The following ZNF195 variants were observed in gnomAD, a reference collection of about 807,000 sequenced individuals.
ZNF195 encodes hypoxia-regulated factor-1.
In ZNF195, 11 loss-of-function variants were observed where a neutral mutation model predicts 19.5. That is an observed-to-expected ratio of 0.57 (90% confidence interval 0.36 to 0.94). The LOEUF (loss-of-function observed/expected upper bound fraction) is 0.94. Among genes scored for constraint, ZNF195 ranks in the 40% least tolerant of loss-of-function variants. The probability of loss-of-function intolerance (pLI) is 0.01; values close to 1 mark genes in which losing one functional copy is unlikely to be tolerated. For missense variants in ZNF195, 582 were observed against 709.0 expected (o/e 0.82, Z 2.03); for synonymous variants, 214 against 248.1 (o/e 0.86, Z 1.29).
intron 3 of ZNF195, 89 bp downstream of exon 3, chr11:3,370,886 A>G: frequency 1.5e-6 from 2 of 1,328,398 alleles, no homozygotes; most frequent in East Asian, 2.3e-5. Flanking sequence ...ACTAGGGCAG[A>G]GCTTCTCAAA....
At chr11:3,361,031 C>T (rs922072825) in intron 4 of ZNF195, among the ~76,000 whole-genome samples, 2 of 152,170 alleles carry the variant, frequency 1.3e-5, no homozygotes, top group Non-Finnish European at 2.9e-5. Flanking sequence ...GAGTGACAGG[C>T]TGGGTCTGCT....
At chr11:3,367,758 G>A (rs887039963) in intron 3 of ZNF195, among the ~76,000 whole-genome samples, 1 of 152,016 alleles carries the variant, frequency 6.6e-6, no homozygotes, top group African/African-American at 2.4e-5. Flanking sequence ...ACAGGTTGAA[G>A]AAATAGGATA....
Position 3,360,558 on chromosome 11 carries a change from AGACATAGCTG to A in ZNF195, c.443-3_449del, listed in dbSNP as rs1848583433. 1 of 1,568,622 alleles carries A rather than the reference AGACATAGCTG, an allele frequency of 6.4e-7. No individual in the cohort carries two copies. Among genetic ancestry groups the A allele is most frequent in the African/African-American group, 1.4e-5 (1 of 71,296 alleles). On this transcript the variant is annotated splice_acceptor_variant and splice_polypyrimidine_tract_variant and coding_sequence_variant and intron_variant, in exon 6 of 6. Transcript: ENST00000399602. LOFTEE classifies it high-confidence loss of function. The stretch of plus-strand genomic sequence containing the variant: ...GCAGAAGGTCTTGGGTAAAATGAGA[AGACATAGCTG>A]AAAAAAAAAAAAAAAGTTATCCGAC...
intron 3 of ZNF195, chr11:3,369,570 A>G (rs767943307): frequency 2.3e-6 from 1 of 433,326 alleles, no homozygotes; most frequent in Non-Finnish European, 4.7e-6. Flanking sequence ...AAAAGGAATG[A>G]AATCCTGTCA....
intron 1 of ZNF195, among the ~76,000 whole-genome samples, chr11:3,372,408 A>G (rs1177804397): frequency 6.6e-6 from 1 of 152,278 alleles, no homozygotes; most frequent in Non-Finnish European, 1.5e-5. Flanking sequence ...AATAAAACTA[A>G]TATCAACTGT....
Position 3,359,925 on chromosome 11 carries a change from A to G in ZNF195, c.1083T>C (p.Ser361=), listed in dbSNP as rs781606800. The G allele has an allele frequency of 6.8e-6, 11 of 1,614,088 alleles. No individual in the cohort carries two copies. The South Asian group carries it at 1.1e-4, about 16-fold the overall frequency. ...AAAGGCTTGAGCAAGAGATAAAGAC[A>G]CTGCTGCACTCTTCATATTTGCAGG... ...EKPCKYEECS[S]VFISCSSLSN... The change falls in exon 6 of 6, where the codon AGT becomes AGC. Residue 361 remains serine (S), a synonymous_variant. Transcript: ENST00000399602. This position sits in a 1 kb window ranked among gnomAD's most constrained non-coding sequence, Gnocchi z 5.5.
In ZNF195 at chr11:3,360,248, G is replaced by T. The variant is rs780909093; in HGVS notation, c.760C>A (p.Gln254Lys). ...FKCQECGKSF[Q>K]MLSFLTEHQK... ...TGTTCAGTTAGGAATGAGAGCATTT[G>T]AAAGGATTTGCCACATTCTTGACAT... The change falls in exon 6 of 6, where the codon CAA becomes AAA. Residue 254 changes from glutamine to lysine, a missense_variant. Physicochemically the swap from Gln to Lys is moderately conservative, Grantham distance 53 (BLOSUM62 1). Around this residue, in one of 3 missense-constraint regions of ZNF195, gnomAD observed 407 missense variants for 530.5 expected, o/e 0.77. Transcript: ENST00000399602. 1.8e-5 allele frequency: 29 copies of T among 1,613,714 alleles called. No individual in the cohort carries two copies. The highest frequency in any genetic ancestry group is 2.2e-5 in the Non-Finnish European group (26 of 1,179,934).
In ZNF195 at chr11:3,377,510, C is replaced by T. The variant is rs935284222; in HGVS notation, c.3+1528G>A. 5.1e-5 allele frequency: 46 copies of T among 906,616 alleles called. No individual in the cohort carries two copies. The Admixed American group carries it at 1.6e-3, about 31-fold the overall frequency. 56.2% of individuals were successfully genotyped at this position (906,616 alleles called of 1,614,324 possible). ...AGAGTCCAAAGGGCAGAAATGATTT[C>T]GGTCTTTTCCCTCTGACAGGGGCAT... On this transcript the variant is annotated intron_variant, in intron 1 of 5. Transcript: ENST00000399602.
chr11:3,375,452 A>G (rs1204989855), intron 1 of ZNF195: 1 of 152,200 alleles, frequency 6.6e-6, no homozygotes, highest in African/African-American at 2.4e-5. Flanking sequence ...TACCACCACC[A>G]CCTTGTCTGT....
Position 3,359,585 on chromosome 11 carries a change from A to G in ZNF195, c.1423T>C (p.Phe475Leu). Residue 475 changes from phenylalanine (F) to leucine (L), a missense_variant, in exon 6 of 6, where the codon TTC (phenylalanine) becomes CTC (leucine). Physicochemically the swap from Phe to Leu is conservative, Grantham distance 22. This residue lies in a region of ZNF195 where 407 missense variants were observed against 530.5 expected (regional missense o/e 0.77). Coordinates refer to ENST00000399602, the MANE Select transcript of ZNF195 (RefSeq NM_001130520.3). This position sits in a 1 kb window ranked among gnomAD's most constrained non-coding sequence, Gnocchi z 5.5. ...TTAGAAAGGCTTGAGCAAGTTCTGA[A>G]GACCTTCCCACATTCTTCACATTGG... ...PYQCEECGKV[F>L]RTCSSLSNHK... The G allele has an allele frequency of 6.2e-7, 1 of 1,614,208 alleles. No homozygotes were observed. Among genetic ancestry groups the G allele is most frequent in the Non-Finnish European group, 8.5e-7 (1 of 1,180,040 alleles).
intron 1 of ZNF195, among the ~76,000 whole-genome samples, chr11:3,374,200 A>G (rs1037213583): frequency 6.6e-5 from 10 of 152,168 alleles, no homozygotes; most frequent in African/African-American, 2.4e-4. Flanking sequence ...TGTGCATATG[A>G]ATCTTTTGGT....
At chr11:3,363,602 A>G (rs572522375) in intron 3 of ZNF195, among the ~76,000 whole-genome samples, 1 of 152,356 alleles carries the variant, frequency 6.6e-6, no homozygotes, top group East Asian at 1.9e-4. Context: ...GTCCAATGCA[A>G]TCTACAAACT....
chr11:3,372,961 T>C (rs1347561794), intron 1 of ZNF195, among the ~76,000 whole-genome samples: 1 of 152,248 alleles, frequency 6.6e-6, no homozygotes, highest in African/African-American at 2.4e-5. Flanking sequence ...CTCGAACTCC[T>C]GGCCCCAAGC....
At chr11:3,371,727 A>G (rs1481205835) in intron 1 of ZNF195, 24 bp from the exon 2 acceptor site, 6 of 1,576,516 alleles carry the variant, frequency 3.8e-6, no homozygotes, top group Non-Finnish European at 5.2e-6. Flanking sequence ...AACAACAATA[A>G]CAAATACTTG....
At position 3,359,823 on chromosome 11, in the gene ZNF195, T is replaced by G; in HGVS notation, c.1185A>C (p.Pro395=). Residue 395 remains proline, a synonymous_variant, in exon 6 of 6, where the codon CCA becomes CCC. Transcript: ENST00000399602. The surrounding 1 kb of genome is among the most constrained non-coding windows in gnomAD (Gnocchi z 5.5). ...CATTTCTCTGGTGTTTGGAAGGATTTGGGCTGTGGTTAAAACCTTTGTACC... is the reference window on the plus strand; with the variant it reads ...CATTTCTCTGGTGTTTGGAAGGATTGGGGCTGTGGTTAAAACCTTTGTACC... ...ETWYKGFNHS[P]NPSKHQRNEI... 1 of 1,614,136 alleles carries G rather than the reference T, an allele frequency of 6.2e-7. No individual in the cohort carries two copies. The highest frequency in any genetic ancestry group is 8.5e-7 in the Non-Finnish European group (1 of 1,180,040).
rs776047777 is a variant in ZNF195, at chr11:3,360,519, T to C, written c.489A>G (p.Ile163Met). The C allele has an allele frequency of 6.2e-7, 1 of 1,604,458 alleles. No individual in the cohort carries two copies. The highest frequency in any genetic ancestry group is 8.5e-7 in the Non-Finnish European group (1 of 1,178,238). ...FTQDLLPEQGIQDAFPKRILR... is the reference protein window; with the variant it reads ...FTQDLLPEQGMQDAFPKRILR... ...GTATTCTTTTTGGGAATGCATCTTGTATGCCCTGCTCTGGCAGAAGGTCTT... is the reference window on the plus strand; with the variant it reads ...GTATTCTTTTTGGGAATGCATCTTGCATGCCCTGCTCTGGCAGAAGGTCTT... The change falls in exon 6 of 6, where the codon ATA becomes ATG. Residue 163 changes from isoleucine to methionine, a missense_variant. Physicochemically the swap from Ile to Met is conservative, Grantham distance 10. This residue lies in a region of ZNF195 where 129 missense variants were observed against 112.1 expected (regional missense o/e 1.15). Transcript: ENST00000399602.
chr11:3,378,001 A>C, intron 1 of ZNF195: 1 of 925,202 alleles, frequency 1.1e-6, no homozygotes, highest in Non-Finnish European at 1.3e-6. Flanking sequence ...ACAAACAGAA[A>C]ACAAATCTCT....
chr11:3,368,216 A>G (rs1004091062), intron 3 of ZNF195, among the ~76,000 whole-genome samples: 24 of 152,268 alleles, frequency 1.6e-4, no homozygotes, highest in Admixed American at 1.6e-3. Flanking sequence ...GTGAAAATGT[A>G]CAGGACAGTG....
intron 3 of ZNF195, 81 bp downstream of exon 3, chr11:3,370,894 A>G: frequency 6.8e-7 from 1 of 1,462,406 alleles, no homozygotes; most frequent in Non-Finnish European, 9.5e-7. Context: ...AGAGCTTCTC[A>G]AACCACATTT....
Sources: gnomAD v4.1 joint callset for allele counts (sites outside exome capture counted in the v4.1 genomes callset) on GRCh38, gnomAD v4.1.1 for gene constraint, gnomAD v4.1.1 regional missense constraint, Gnocchi (gnomAD v3.1) non-coding constraint, MANE v1.5 for transcripts, NCBI Gene and HGNC (gene_info 2026-07-23, HGNC 2026-07-21) for gene names.